Variants in H3C11 observed in about 807,000 individuals in gnomAD.
H3C11 encodes H3 clustered histone 11.
In H3C11, 10 loss-of-function variants were observed where a neutral mutation model predicts 9.1. The ratio of observed to expected loss-of-function variants is 1.10; its 90% CI spans 0.68 to 1.86. The LOEUF is 1.86. H3C11 is among the 40% of genes most tolerant of loss of function. The pLI, the probability that H3C11 is intolerant of heterozygous loss-of-function variation, is 0.00. For missense variants in H3C11, 197 were observed against 192.5 expected, an observed-to-expected ratio of 1.02 and a Z score of -0.14; for synonymous variants, 132 against 82.4, an observed-to-expected ratio of 1.60 and a Z score of -3.26.
At position 27,872,198 on chromosome 6, in the gene H3C11, G is replaced by A. The variant is rs1223690434; in HGVS notation, c.118C>T (p.His40Tyr). 1.9e-6 allele frequency: 3 copies of A among 1,613,510 alleles called. No homozygotes were observed. Among genetic ancestry groups the A allele is most frequent in the South Asian group, 2.2e-5 (2 of 91,048 alleles). ...APATGGVKKP[H>Y]RYRPGTVALR... ...GCCACGGTGCCGGGGCGGTAGCGGT[G>A]GGGCTTCTTGACGCCACCGGTGGCC... The change falls in exon 1 of 1, where the codon CAC (histidine) becomes TAC (tyrosine). Residue 40 changes from histidine to tyrosine, a missense_variant. Physicochemically the swap from His to Tyr is moderately conservative, Grantham distance 83. Coordinates refer to ENST00000616365, the MANE Select transcript of H3C11 (RefSeq NM_003533.3).
Position 27,872,065 on chromosome 6 carries a change from C to G in H3C11, c.251G>C (p.Arg84Pro), listed in dbSNP as rs1169303539. 9.9e-6 allele frequency: 16 copies of G among 1,614,222 alleles called. No homozygotes were observed. Among genetic ancestry groups the G allele is most frequent in the African/African-American group, 2.7e-5 (2 of 75,064 alleles). The change falls in exon 1 of 1, where the codon CGC (arginine) becomes CCC (proline). Residue 84 changes from arginine to proline, a missense_variant. Coordinates refer to ENST00000616365, the MANE Select transcript of H3C11 (RefSeq NM_003533.3). ...CGCCATCACCGCCGAGCTCTGGAAG[C>G]GCAGATCGGTCTTAAAGTCCTGTGC... ...EIAQDFKTDL[R>P]FQSSAVMALQ...
At position 27,872,283 on chromosome 6, in the gene H3C11, G is replaced by A. The variant is rs267600920; in HGVS notation, c.33C>T (p.Ser11=). Residue 11 remains serine, a synonymous_variant, in exon 1 of 1, where the codon TCC becomes TCT. Transcript: ENST00000616365. ...GCTTGCGCGGCGCTTTGCCGCCGGT[G>A]GACTTGCGAGCTGTTTGCTTTGTTC... MARTKQTARK[S]TGGKAPRKQL... is the part of the protein sequence containing the mutation. 2 of 1,611,452 alleles carry A rather than the reference G, an allele frequency of 1.2e-6. No homozygotes were observed. The highest frequency in any genetic ancestry group is 3.4e-5 in the Admixed American group (2 of 58,910).
In H3C11 at chr6:27,871,943, T is replaced by C. The variant is rs773766489; in HGVS notation, c.373A>G (p.Ile125Val). 6.2e-7 allele frequency: 1 copy of C among 1,614,064 alleles called. No homozygotes were observed. The highest frequency in any genetic ancestry group is 1.1e-5 in the South Asian group (1 of 91,084). Reference protein sequence around the residue: ...AKRVTIMPKDIQLARRIRGER... With the variant: ...AKRVTIMPKDVQLARRIRGER... ...CCTCGGATGCGGCGCGCAAGCTGGA[T>C]GTCTTTAGGCATAATAGTGACGCGT... is the stretch of plus-strand genomic sequence containing the variant. Residue 125 changes from isoleucine to valine, a missense_variant, in exon 1 of 1, where the codon ATC becomes GTC. By Grantham distance (29) the Ile-to-Val change is conservative. Coordinates refer to ENST00000616365, the MANE Select transcript of H3C11 (RefSeq NM_003533.3).
At position 27,871,898 on chromosome 6, in the gene H3C11, G is replaced by C; in HGVS notation, c.*7C>G. 6.2e-7 allele frequency: 1 copy of C among 1,609,698 alleles called. No individual in the cohort carries two copies. The highest frequency in any genetic ancestry group is 8.5e-7 in the Non-Finnish European group (1 of 1,177,164). On this transcript the variant is annotated 3_prime_UTR_variant, in exon 1 of 1. Coordinates refer to ENST00000616365, the MANE Select transcript of H3C11 (RefSeq NM_003533.3). ...GTTGGACAGACTTCTTGGGCTGATA[G>C]GAATATTTATGCCCTCTCCCCTCGG...
chr6:27,871,917 C>G lies in H3C11; in HGVS notation c.399G>C (p.Gly133=), dbSNP rs199797213. 1 of 1,613,622 alleles carries G rather than the reference C, an allele frequency of 6.2e-7. No individual in the cohort carries two copies. Among genetic ancestry groups the G allele is most frequent in the East Asian group, 2.2e-5 (1 of 44,870 alleles). Residue 133 remains glycine, a synonymous_variant, in exon 1 of 1, where the codon GGG becomes GGC. Coordinates refer to ENST00000616365, the MANE Select transcript of H3C11 (RefSeq NM_003533.3). ...CTGATAGGAATATTTATGCCCTCTC[C>G]CCTCGGATGCGGCGCGCAAGCTGGA... ...KDIQLARRIR[G]ERA is the part of the protein sequence containing the mutation.
Position 27,872,165 on chromosome 6 carries a change from C to A in H3C11, c.151G>T (p.Glu51Ter). 1.2e-6 allele frequency: 2 copies of A among 1,614,100 alleles called. No individual in the cohort carries two copies. Among genetic ancestry groups the A allele is most frequent in the Non-Finnish European group, 1.7e-6 (2 of 1,179,974 alleles). The change falls in exon 1 of 1, where the codon GAG (glutamate) becomes TAG (stop). Residue 51 changes from glutamate to a stop codon, truncating the protein, a stop_gained. Coordinates refer to ENST00000616365, the MANE Select transcript of H3C11 (RefSeq NM_003533.3). LOFTEE classifies it high-confidence loss of function. The part of the protein sequence containing the change: ...RYRPGTVALR[E>*]IRRYQKSTEL... The stretch of plus-strand genomic sequence containing the variant: ...GTCGACTTCTGGTAGCGGCGGATCT[C>A]GCGCAGGGCCACGGTGCCGGGGCGG...
chr6:27,872,114 A>AAGGT lies in H3C11; in HGVS notation c.198_201dup (p.Phe68ThrfsTer14). 6.2e-7 allele frequency: 1 copy of AAGGT among 1,614,198 alleles called. No homozygotes were observed. Among genetic ancestry groups the AAGGT allele is most frequent in the Non-Finnish European group, 8.5e-7 (1 of 1,180,030 alleles). On this transcript the variant is annotated frameshift_variant, in exon 1 of 1. Transcript: ENST00000616365. LOFTEE classifies it high-confidence loss of function. ...GCGATCTCCCGTACCAAGCGCTGAA[A>AAGGT]AGGTAGCTTCCGGATTAGCAGCTCG...
At position 27,872,303 on chromosome 6, in the gene H3C11, T is replaced by C; in HGVS notation, c.13A>G (p.Lys5Glu). The change falls in exon 1 of 1, where the codon AAG (lysine) becomes GAG (glutamate). Residue 5 changes from lysine to glutamate, a missense_variant. Coordinates refer to ENST00000616365, the MANE Select transcript of H3C11 (RefSeq NM_003533.3). Reference protein sequence around the residue: MARTKQTARKSTGGK... With the variant: MARTEQTARKSTGGK... Reference sequence around the variant, plus strand: ...CCGGTGGACTTGCGAGCTGTTTGCTTTGTTCGTGCCATGGCTAAGTAGACG... The same window carrying C: ...CCGGTGGACTTGCGAGCTGTTTGCTCTGTTCGTGCCATGGCTAAGTAGACG... The C allele has an allele frequency of 6.2e-7, 1 of 1,609,596 alleles. No homozygotes were observed. The highest frequency in any genetic ancestry group is 8.5e-7 in the Non-Finnish European group (1 of 1,178,816).
rs1177336972 is a variant in H3C11, at chr6:27,872,340, C to T, written c.-25G>A. On this transcript the variant is annotated 5_prime_UTR_variant, in exon 1 of 1. Transcript: ENST00000616365. ...TGGCTAAGTAGACGTACCTACTCAA[C>T]ACAAATGAGAGAAAAAAACTGATCA... The T allele has an allele frequency of 6.3e-7, 1 of 1,576,918 alleles. No homozygotes were observed. Among genetic ancestry groups the T allele is most frequent in the Non-Finnish European group, 8.6e-7 (1 of 1,166,988 alleles).
Position 27,872,221 on chromosome 6 carries a change from G to C in H3C11, c.95C>G (p.Ala32Gly). 6.2e-7 allele frequency: 1 copy of C among 1,613,004 alleles called. No individual in the cohort carries two copies. The highest frequency in any genetic ancestry group is 8.5e-7 in the Non-Finnish European group (1 of 1,179,486). ...GTGGGGCTTCTTGACGCCACCGGTG[G>C]CCGGAGCGCTCTTGCGAGCCGCCTT... The part of the protein sequence containing the change: ...ATKAARKSAP[A>G]TGGVKKPHRY... The change falls in exon 1 of 1, where the codon GCC becomes GGC. Residue 32 changes from alanine to glycine, a missense_variant. Physicochemically the swap from Ala to Gly is moderately conservative, Grantham distance 60. Coordinates refer to ENST00000616365, the MANE Select transcript of H3C11 (RefSeq NM_003533.3).
rs751578458 is a variant in H3C11 at position 27,872,102 on chromosome 6, C to A, written c.214G>T (p.Val72Leu). The A allele has an allele frequency of 1.9e-5, 31 of 1,614,092 alleles. 2 individuals carry two copies. The Admixed American group carries it at 4.5e-4, about 23-fold the overall frequency. The change falls in exon 1 of 1, where the codon GTA (valine) becomes TTA (leucine). Residue 72 changes from valine to leucine, a missense_variant. Val to Leu is a conservative substitution (Grantham distance 32, BLOSUM62 1). Transcript: ENST00000616365. ...LIRKLPFQRL[V>L]REIAQDFKTD... ...TTAAAGTCCTGTGCGATCTCCCGTA[C>A]CAAGCGCTGAAAAGGTAGCTTCCGG... is the stretch of plus-strand genomic sequence containing the variant.
chr6:27,871,974 G>C lies in H3C11; in HGVS notation c.342C>G (p.His114Gln). The C allele has an allele frequency of 6.2e-7, 1 of 1,614,226 alleles. No individual in the cohort carries two copies. Among genetic ancestry groups the C allele is most frequent in the Non-Finnish European group, 8.5e-7 (1 of 1,180,036 alleles). ...LFEDTNLCAI[H>Q]AKRVTIMPKD... ...TAGGCATAATAGTGACGCGTTTGGC[G>C]TGAATGGCGCACAGGTTGGTATCCT... The change falls in exon 1 of 1, where the codon CAC becomes CAG. Residue 114 changes from histidine to glutamine, a missense_variant. Coordinates refer to ENST00000616365, the MANE Select transcript of H3C11 (RefSeq NM_003533.3).
Position 27,872,319 on chromosome 6 carries a change from T to A in H3C11, c.-4A>T, listed in dbSNP as rs1335573125. 6.2e-7 allele frequency: 1 copy of A among 1,601,594 alleles called. No homozygotes were observed. The highest frequency in any genetic ancestry group is 1.4e-5 in the African/African-American group (1 of 73,836). ...CTGTTTGCTTTGTTCGTGCCATGGC[T>A]AAGTAGACGTACCTACTCAACACAA... On this transcript the variant is annotated 5_prime_UTR_variant, in exon 1 of 1. Transcript: ENST00000616365.
In H3C11 at chr6:27,872,070, A is replaced by T; in HGVS notation, c.246T>A (p.Asp82Glu). 6.2e-7 allele frequency: 1 copy of T among 1,614,206 alleles called. No homozygotes were observed. Among genetic ancestry groups the T allele is most frequent in the Non-Finnish European group, 8.5e-7 (1 of 1,180,032 alleles). ...TCACCGCCGAGCTCTGGAAGCGCAG[A>T]TCGGTCTTAAAGTCCTGTGCGATCT... The part of the protein sequence containing the change: ...VREIAQDFKT[D>E]LRFQSSAVMA... Residue 82 changes from aspartate to glutamate, a missense_variant, in exon 1 of 1, where the codon GAT (aspartate) becomes GAA (glutamate). By Grantham distance (45) the Asp-to-Glu change is conservative. Coordinates refer to ENST00000616365, the MANE Select transcript of H3C11 (RefSeq NM_003533.3).
In H3C11 at chr6:27,871,969, TTGGCGTGAA is replaced by T; in HGVS notation, c.338_346del (p.Ile113_Ala115del). On this transcript the variant is annotated inframe_deletion, in exon 1 of 1. Coordinates refer to ENST00000616365, the MANE Select transcript of H3C11 (RefSeq NM_003533.3). The stretch of plus-strand genomic sequence containing the variant: ...GTCTTTAGGCATAATAGTGACGCGT[TTGGCGTGAA>T]TGGCGCACAGGTTGGTATCCTCAAA... The T allele has an allele frequency of 6.2e-7, 1 of 1,614,240 alleles. No homozygotes were observed. The highest frequency in any genetic ancestry group is 1.7e-5 in the Admixed American group (1 of 60,030).
chr6:27,872,300 G>T lies in H3C11; in HGVS notation c.16C>A (p.Gln6Lys). The change falls in exon 1 of 1, where the codon CAA becomes AAA. Residue 6 changes from glutamine to lysine, a missense_variant. Physicochemically the swap from Gln to Lys is moderately conservative, Grantham distance 53 (BLOSUM62 1). Transcript: ENST00000616365. ...CCGCCGGTGGACTTGCGAGCTGTTT[G>T]CTTTGTTCGTGCCATGGCTAAGTAG... The part of the protein sequence containing the change: MARTK[Q>K]TARKSTGGKA... 1 of 1,609,718 alleles carries T rather than the reference G, an allele frequency of 6.2e-7. No homozygotes were observed. Among genetic ancestry groups the T allele is most frequent in the Non-Finnish European group, 8.5e-7 (1 of 1,178,858 alleles).
chr6:27,872,129 T>A lies in H3C11; in HGVS notation c.187A>T (p.Ile63Phe). 2 of 1,614,184 alleles carry A rather than the reference T, an allele frequency of 1.2e-6. No homozygotes were observed. The highest frequency in any genetic ancestry group is 1.7e-6 in the Non-Finnish European group (2 of 1,180,026). ...RRYQKSTELL[I>F]RKLPFQRLVR... The stretch of plus-strand genomic sequence containing the variant: ...AAGCGCTGAAAAGGTAGCTTCCGGA[T>A]TAGCAGCTCGGTCGACTTCTGGTAG... The change falls in exon 1 of 1, where the codon ATC becomes TTC. Residue 63 changes from isoleucine (I) to phenylalanine (F), a missense_variant. Transcript: ENST00000616365.
rs549064212 is a variant in H3C11 at position 27,872,056 on chromosome 6, C to G, written c.260G>C (p.Ser87Thr). The change falls in exon 1 of 1, where the codon AGC (serine) becomes ACC (threonine). Residue 87 changes from serine (S) to threonine (T), a missense_variant. Coordinates refer to ENST00000616365, the MANE Select transcript of H3C11 (RefSeq NM_003533.3). ...CTCCTGCAGCGCCATCACCGCCGAG[C>G]TCTGGAAGCGCAGATCGGTCTTAAA... The part of the protein sequence containing the change: ...QDFKTDLRFQ[S>T]SAVMALQEAC... The G allele has an allele frequency of 3.7e-6, 6 of 1,614,238 alleles. No homozygotes were observed. Among genetic ancestry groups the G allele is most frequent in the East Asian group, 2.2e-5 (1 of 44,886 alleles).
Position 27,871,901 on chromosome 6 carries a change from A to G in H3C11, c.*4T>C, listed in dbSNP as rs755951115. 9 of 1,610,852 alleles carry G rather than the reference A, an allele frequency of 5.6e-6. No homozygotes were observed. The highest frequency in any genetic ancestry group is 7.6e-6 in the Non-Finnish European group (9 of 1,177,838). ...GGACAGACTTCTTGGGCTGATAGGA[A>G]TATTTATGCCCTCTCCCCTCGGATG... On this transcript the variant is annotated 3_prime_UTR_variant, in exon 1 of 1. Coordinates refer to ENST00000616365, the MANE Select transcript of H3C11 (RefSeq NM_003533.3).
Sources: allele counts gnomAD v4.1 joint callset, GRCh38; gene constraint gnomAD v4.1.1; transcripts MANE v1.5; gene names NCBI Gene and HGNC (gene_info 2026-07-23, HGNC 2026-07-21).